Variants in SLC22A23 observed in about 807,000 individuals in gnomAD.
The protein encoded by SLC22A23 is ion transporter protein.
Under a neutral mutation model 61.0 loss-of-function variants are expected in SLC22A23, and 26 were observed. That is an observed-to-expected ratio of 0.43 (90% CI 0.31 to 0.59). The LOEUF (loss-of-function observed/expected upper bound fraction) is 0.59. Ranked by LOEUF, SLC22A23 falls within the 20% of genes least tolerant of loss-of-function variation. The pLI is 0.11. For synonymous variants in SLC22A23, 430 were observed against 413.9 expected (o/e 1.04, Z -0.47); for missense variants, 796 against 934.7 (o/e 0.85, Z 1.94).
intron 1 of SLC22A23, among the ~76,000 whole-genome samples, chr6:3,423,339 A>G (rs1770274134): frequency 6.6e-6 from 1 of 152,318 alleles, no homozygotes; most frequent in Non-Finnish European, 1.5e-5. Context: ...AGGGAGGTAC[A>G]TCTTTCTCAG....
At chr6:3,298,691 G>A (rs1289253876) in intron 4 of SLC22A23, among the ~76,000 whole-genome samples, 4 of 151,820 alleles carry the variant, frequency 2.6e-5, no homozygotes, top group East Asian at 1.9e-4. Flanking sequence ...AAATGTTCCC[G>A]GCCGGGCGCG....
intron 3 of SLC22A23, among the ~76,000 whole-genome samples, chr6:3,402,510 C>T (rs148785134): frequency 6.7e-6 from 1 of 148,562 alleles, no homozygotes; most frequent in Non-Finnish European, 1.5e-5. Flanking sequence ...CCAGCCAACC[C>T]CAATCATCCA....
chr6:3,318,643 C>A lies in SLC22A23; in HGVS notation c.1082+5191G>T, dbSNP rs1385649947. Among the ~76,000 whole-genome samples the A allele has an allele frequency of 6.6e-6, 1 of 152,160 alleles. No individual in the cohort carries two copies. The highest frequency in any genetic ancestry group is 2.4e-5 in the African/African-American group (1 of 41,408). On this transcript the variant is annotated intron_variant, in intron 4 of 9. Coordinates refer to ENST00000406686, the MANE Select transcript of SLC22A23 (RefSeq NM_015482.2). The surrounding 1 kb of genome is among the most constrained non-coding windows in gnomAD (Gnocchi z 4.3). Reference sequence around the variant, plus strand: ...CTGGGAACTGAGAGTAATAAATGATCTTTCAATGGCAATTGTCTCCTGGCC... The same window carrying A: ...CTGGGAACTGAGAGTAATAAATGATATTTCAATGGCAATTGTCTCCTGGCC...
chr6:3,414,501 A>T lies in SLC22A23; in HGVS notation c.758+1251T>A, dbSNP rs1187588474. On this transcript the variant is annotated intron_variant, in intron 2 of 9. Coordinates refer to ENST00000406686, the MANE Select transcript of SLC22A23 (RefSeq NM_015482.2). This position sits in a 1 kb window ranked among gnomAD's most constrained non-coding sequence, Gnocchi z 5.1. The stretch of plus-strand genomic sequence containing the variant: ...ATGAGGCAGATGTCAAGCACACAGG[A>T]AATCACATTACATGTCAGCTCAAGG... Among the ~76,000 whole-genome samples the T allele has an allele frequency of 6.6e-6, 1 of 152,112 alleles. No homozygotes were observed. The highest frequency in any genetic ancestry group is 1.5e-5 in the Non-Finnish European group (1 of 68,014).
chr6:3,306,824 G>A (rs1018901539), intron 4 of SLC22A23, among the ~76,000 whole-genome samples: 5 of 152,292 alleles, frequency 3.3e-5, no homozygotes, highest in Admixed American at 1.3e-4. Context: ...CTAAAGAGCC[G>A]TTCAGGACAA....
At chr6:3,274,029 C>T (rs1294740074) in intron 9 of SLC22A23, among the ~76,000 whole-genome samples, 1 of 152,150 alleles carries the variant, frequency 6.6e-6, no homozygotes, top group Non-Finnish European at 1.5e-5. Context: ...CCTGAAGGGT[C>T]CCCCAAATGA....
At chr6:3,426,030 G>A (rs190330045) in intron 1 of SLC22A23, among the ~76,000 whole-genome samples, 103 of 152,238 alleles carry the variant, frequency 6.8e-4, no homozygotes, top group African/African-American at 1.9e-3. Flanking sequence ...GACAGGCTTC[G>A]GTGTTATTTC....
intron 9 of SLC22A23, 124 bp downstream of exon 9, chr6:3,283,728 A>AAGCTGATGTGTCCAGAGCCAGAGACAGAG: frequency 6.6e-7 from 1 of 1,517,972 alleles, no homozygotes; most frequent in East Asian, 2.5e-5. Flanking sequence ...ATGAACCACG[A>AAGCTGATGTGTCCAGAGCCAGAGACAGAG]AGCTGATGTG....
chr6:3,283,082 T>C (rs1018281670), intron 9 of SLC22A23, among the ~76,000 whole-genome samples: 2 of 152,182 alleles, frequency 1.3e-5, no homozygotes, highest in African/African-American at 4.8e-5. Context: ...GTCAGTAATC[T>C]CACTCGCTGT....
intron 5 of SLC22A23, among the ~76,000 whole-genome samples, chr6:3,293,751 G>A (rs1216624809): frequency 2.0e-5 from 3 of 152,218 alleles, no homozygotes; most frequent in African/African-American, 2.4e-5. Context: ...AGCGTGGAAC[G>A]TGGAGGTGGC....
chr6:3,364,896 A>C (rs1393360217), intron 3 of SLC22A23, among the ~76,000 whole-genome samples: 1 of 152,086 alleles, frequency 6.6e-6, no homozygotes, highest in Non-Finnish European at 1.5e-5. Context: ...GGTGTGGTGG[A>C]GAGGGGGTAG....
chr6:3,420,248 A>G (rs939252226), intron 1 of SLC22A23, among the ~76,000 whole-genome samples: 2 of 148,864 alleles, frequency 1.3e-5, no homozygotes, highest in African/African-American at 4.9e-5. Flanking sequence ...AAAAAAAAAA[A>G]CCAAAAACTG....
Position 3,318,226 on chromosome 6 carries a change from T to C in SLC22A23, c.1082+5608A>G, listed in dbSNP as rs1762753025. Among the ~76,000 whole-genome samples the C allele has an allele frequency of 6.6e-6, 1 of 152,222 alleles. No homozygotes were observed. Among genetic ancestry groups the C allele is most frequent in the Non-Finnish European group, 1.5e-5 (1 of 68,032 alleles). ...TCCTAATGTTTTAACATCTGGAGCC[T>C]TGCTGATTCCAGAGAGGCTGCTCCT... On this transcript the variant is annotated intron_variant, in intron 4 of 9. Coordinates refer to ENST00000406686, the MANE Select transcript of SLC22A23 (RefSeq NM_015482.2). This position sits in a 1 kb window ranked among gnomAD's most constrained non-coding sequence, Gnocchi z 4.3.
chr6:3,411,727 A>T (rs1769265146), intron 2 of SLC22A23, among the ~76,000 whole-genome samples: 1 of 152,224 alleles, frequency 6.6e-6, no homozygotes. Context: ...TTACACTCAG[A>T]ACTTTTAGTT....
At chr6:3,340,249 T>C (rs1333910668) in intron 3 of SLC22A23, among the ~76,000 whole-genome samples, 1 of 152,132 alleles carries the variant, frequency 6.6e-6, no homozygotes, top group Non-Finnish European at 1.5e-5. Context: ...TGCTTATGAC[T>C]CTCTTATGAA....
chr6:3,316,910 A>G (rs1277158022), intron 4 of SLC22A23, among the ~76,000 whole-genome samples: 1 of 152,118 alleles, frequency 6.6e-6, no homozygotes, highest in Non-Finnish European at 1.5e-5. Flanking sequence ...CACCATGCCC[A>G]GCTGCAAATT....
Position 3,456,160 on chromosome 6 carries a change from CT to C in SLC22A23, c.399del (p.Gly134AlafsTer107). On this transcript the variant is annotated frameshift_variant, in exon 1 of 10. Transcript: ENST00000406686. LOFTEE classifies it high-confidence loss of function. The surrounding 1 kb of genome is among the most constrained non-coding windows in gnomAD (Gnocchi z 7.1). Reference sequence around the variant, plus strand: ...GTGGTGACCCCTGCCAGCTCGGTGCCTTTGCCGGCCCCGCGGCACCAGAAGT... The same window carrying C: ...GTGGTGACCCCTGCCAGCTCGGTGCCTTGCCGGCCCCGCGGCACCAGAAGT... The part of the protein sequence containing the change: ...QPNFWCRGAG[K>X]GTELAGVTTT... 6.4e-7 allele frequency: 1 copy of C among 1,551,234 alleles called. No homozygotes were observed. Among genetic ancestry groups the C allele is most frequent in the Non-Finnish European group, 8.7e-7 (1 of 1,146,854 alleles).
rs755526984 is a variant in SLC22A23 at position 3,323,767 on chromosome 6, C to T, written c.1082+67G>A. 2,123 of 1,521,142 alleles carry T rather than the reference C, an allele frequency of 1.4e-3. 2 individuals carry two copies. The highest frequency in any genetic ancestry group is 1.6e-3 in the Non-Finnish European group (1,768 of 1,128,080). The allele number at this position is 1,521,142 out of a possible 1,614,324, so 94.2% of individuals were successfully genotyped here. A position where few individuals can be genotyped will look rare whatever the true frequency, so the allele number is the denominator to read the frequency against. Reference sequence around the variant, plus strand: ...AAGTGTGGGGATTGTGTGTCCTGCCCGGGGCCGGGCCTTCAGGAAGCATGT... The same window carrying T: ...AAGTGTGGGGATTGTGTGTCCTGCCTGGGGCCGGGCCTTCAGGAAGCATGT... On this transcript the variant is annotated intron_variant, in intron 4 of 9. Transcript: ENST00000406686.
intron 3 of SLC22A23, among the ~76,000 whole-genome samples, chr6:3,335,999 G>A (rs1763833780): frequency 6.6e-6 from 1 of 151,970 alleles, no homozygotes; most frequent in Non-Finnish European, 1.5e-5. Flanking sequence ...TGAGGCAGGA[G>A]AATGGCGTGA....
Sources: allele counts gnomAD v4.1 joint callset (sites outside exome capture counted in the v4.1 genomes callset), GRCh38; gene constraint gnomAD v4.1.1; non-coding constraint Gnocchi (gnomAD v3.1); transcripts MANE v1.5; gene names NCBI Gene and HGNC (gene_info 2026-07-23, HGNC 2026-07-21).